Variants in RAPSN observed in about 807,000 individuals in gnomAD.
RAPSN encodes receptor associated protein of the synapse, also known as 43 kDa receptor-associated protein of the synapse.
In RAPSN, 33 loss-of-function variants were observed where a neutral mutation model predicts 45.7. That is an observed-to-expected ratio of 0.72 (90% CI 0.55 to 0.97). The LOEUF (loss-of-function observed/expected upper bound fraction) is 0.97, where lower values mean the gene tolerates loss of function less well. Among genes scored for constraint, RAPSN ranks in the 50% least tolerant of loss-of-function variants. The pLI is 0.00. For synonymous variants in RAPSN, 244 were observed against 233.6 expected, an observed-to-expected ratio of 1.04 and a Z score of -0.40; for missense variants, 519 against 559.4, an observed-to-expected ratio of 0.93 and a Z score of 0.73.
At chr11:47,446,169 C>A (rs2076404756) in intron 2 of RAPSN, among the ~76,000 whole-genome samples, 1 of 151,800 alleles carries the variant, frequency 6.6e-6, no homozygotes, top group Non-Finnish European at 1.5e-5. Flanking sequence ...CTCAAGCAAT[C>A]CTTCTGCTTG....
rs1381943309 is a variant in RAPSN at position 47,437,972 on chromosome 11, G to A, written c.*3C>T. 1 of 1,550,866 alleles carries A rather than the reference G, an allele frequency of 6.4e-7. No homozygotes were observed. The highest frequency in any genetic ancestry group is 1.2e-5 in the South Asian group (1 of 84,026). On this transcript the variant is annotated 3_prime_UTR_variant, in exon 8 of 8. Coordinates refer to ENST00000298854, the MANE Select transcript of RAPSN (RefSeq NM_005055.5). The stretch of plus-strand genomic sequence containing the variant: ...GGAGGAAGCCCACGCCTGCTGCCAG[G>A]AGTCATACAAAGCCAGGCTTCATGG...
chr11:47,444,355 T>C (rs1247190793), intron 2 of RAPSN, among the ~76,000 whole-genome samples: 1 of 151,304 alleles, frequency 6.6e-6, no homozygotes, highest in African/African-American at 2.4e-5. Flanking sequence ...CTGGGCAACA[T>C]TGCAAGACCA....
At chr11:47,448,255 A>T in intron 1 of RAPSN, 105 bp from the exon 2 acceptor site, 1 of 1,194,112 alleles carries the variant, frequency 8.4e-7, no homozygotes, top group Non-Finnish European at 1.2e-6. Flanking sequence ...CCCACCCCCC[A>T]GCCTCACACC....
chr11:47,446,670 C>T (rs2076408736), intron 2 of RAPSN, among the ~76,000 whole-genome samples: 1 of 152,190 alleles, frequency 6.6e-6, no homozygotes, highest in Non-Finnish European at 1.5e-5. Context: ...CTTTGGGAGG[C>T]CAAGACGGGC....
In RAPSN at chr11:47,441,676, G is replaced by C. The variant is rs761730497; in HGVS notation, c.847C>G (p.Leu283Val). ...CCCAGCAGCGCCTGCACCTGCCCCA[G>C]GCGGTTTCCGATCTCGGTCATGATG... The part of the protein sequence containing the change: ...MSIMTEIGNR[L>V]GQVQALLGVA... Residue 283 changes from leucine (L) to valine (V), a missense_variant, in exon 5 of 8, where the codon CTG (leucine) becomes GTG (valine). Leu to Val is a conservative substitution (Grantham distance 32). Transcript: ENST00000298854. 10 of 1,609,684 alleles carry C rather than the reference G, an allele frequency of 6.2e-6. No individual in the cohort carries two copies. The highest frequency in any genetic ancestry group is 1.6e-4 in the Middle Eastern group (1 of 6,084).
intron 3 of RAPSN, among the ~76,000 whole-genome samples, chr11:47,442,332 G>A (rs1022035932): frequency 3.3e-5 from 5 of 152,138 alleles, no homozygotes; most frequent in African/African-American, 1.2e-4. Flanking sequence ...TTTCCTTCAG[G>A]GGTTCAGCTG....
In RAPSN at chr11:47,445,593, C is replaced by CAAAAA. The variant is rs61001294; in HGVS notation, c.531+2214_531+2218dup. ...CCTAGGCAACAGAGCGAGACTGTCT[C>CAAAAA]AAAAAAAAAAAAAAAAAAAAAAGCC... On this transcript the variant is annotated intron_variant, in intron 2 of 7. Transcript: ENST00000298854. Among the ~76,000 whole-genome samples the CAAAAA allele has an allele frequency of 6.7e-3, 389 of 58,030 alleles. 9 individuals carry two copies. Among genetic ancestry groups the CAAAAA allele is most frequent in the African/African-American group, 0.021 (309 of 14,950 alleles). The allele number at this position is 58,030 out of a possible 152,430, so 38.1% of individuals were successfully genotyped here.
Position 47,441,903 on chromosome 11 carries a change from G to A in RAPSN, c.709C>T (p.Leu237=), listed in dbSNP as rs2153308690. 1.3e-6 allele frequency: 2 copies of A among 1,581,668 alleles called. No homozygotes were observed. The highest frequency in any genetic ancestry group is 1.7e-6 in the Non-Finnish European group (2 of 1,169,612). The change falls in exon 4 of 8, where the codon CTG becomes TTG. Residue 237 remains leucine, a synonymous_variant. Transcript: ENST00000298854. ...ECCEESMKIA[L]QHGDRPLQAL... Reference sequence around the variant, plus strand: ...TGCAGTGGCCGGTCCCCGTGCTGCAGCGCGATCTTCATAGACTCCTGCGAG... The same window carrying A: ...TGCAGTGGCCGGTCCCCGTGCTGCAACGCGATCTTCATAGACTCCTGCGAG...
At chr11:47,448,171 C>G (rs1420037589) in intron 1 of RAPSN, 21 bp from the exon 2 acceptor site, 2 of 1,604,692 alleles carry the variant, frequency 1.2e-6, no homozygotes, top group African/African-American at 2.7e-5. Flanking sequence ...CGACGGTGGG[C>G]AGGTGGTGCT....
rs1422791581 is a variant in RAPSN at position 47,448,998 on chromosome 11, C to T, written c.-34G>A. ...AGCCCTGTGTCCCACGTGGGGTGAT[C>T]CCTGGTGGCTCCGTGCCTCTAGGCA... On this transcript the variant is annotated 5_prime_UTR_variant, in exon 1 of 8. Transcript: ENST00000298854. 7 of 1,613,734 alleles carry T rather than the reference C, an allele frequency of 4.3e-6. No homozygotes were observed. The highest frequency in any genetic ancestry group is 5.9e-6 in the Non-Finnish European group (7 of 1,179,756).
At chr11:47,442,350 C>T (rs1481287894) in intron 3 of RAPSN, among the ~76,000 whole-genome samples, 1 of 152,104 alleles carries the variant, frequency 6.6e-6, no homozygotes, top group Admixed American at 6.6e-5. Flanking sequence ...CTGTAGAGAA[C>T]TCATCTCATT....
At chr11:47,439,631 T>C (rs1428223582) in intron 6 of RAPSN, among the ~76,000 whole-genome samples, 1 of 152,010 alleles carries the variant, frequency 6.6e-6, no homozygotes, top group African/African-American at 2.4e-5. Flanking sequence ...GCACAGGATC[T>C]CGTAGAAATG....
At chr11:47,442,135 G>A (rs934211972) in intron 3 of RAPSN, among the ~76,000 whole-genome samples, 17 of 152,236 alleles carry the variant, frequency 1.1e-4, no homozygotes, top group African/African-American at 4.1e-4. Flanking sequence ...GAAGTGACTT[G>A]ATTGGGGTCA....
At position 47,438,918 on chromosome 11, in the gene RAPSN, T is replaced by TTGAG; in HGVS notation, c.976_979dup (p.Lys327ThrfsTer151). 1 of 1,558,860 alleles carries TTGAG rather than the reference T, an allele frequency of 6.4e-7. No individual in the cohort carries two copies. The highest frequency in any genetic ancestry group is 1.2e-5 in the South Asian group (1 of 84,622). On this transcript the variant is annotated frameshift_variant, in exon 7 of 8. Coordinates refer to ENST00000298854, the MANE Select transcript of RAPSN (RefSeq NM_005055.5). LOFTEE classifies it high-confidence loss of function. ...AATGCTCTCGCTCAGACAGTGCAGC[T>TTGAG]TGAGCTGGCTCAGCTGGGGCCCGCA... is the stretch of plus-strand genomic sequence containing the variant.
In RAPSN at chr11:47,447,850, C is replaced by T. The variant is rs761584017; in HGVS notation, c.493G>A (p.Val165Met). The T allele has an allele frequency of 9.9e-6, 16 of 1,613,200 alleles. No homozygotes were observed. In the Admixed American group the frequency reaches 1.0e-4, roughly 10 times the overall value. The change falls in exon 2 of 8, where the codon GTG becomes ATG. Residue 165 changes from valine (V) to methionine (M), a missense_variant. Physicochemically the swap from Val to Met is conservative, Grantham distance 21. Transcript: ENST00000298854. ...TAGAAGCTGCCCAGGCTGCAGCACA[C>T]GCGGCACTCGAGCATGGCGTCATCA... Reference protein sequence around the residue: ...NNDDAMLECRVCCSLGSFYAQ... With the variant: ...NNDDAMLECRMCCSLGSFYAQ...
intron 2 of RAPSN, among the ~76,000 whole-genome samples, chr11:47,443,931 C>CAAAA (rs1161231934): frequency 0.022 from 302 of 14,016 alleles, 14 homozygotes; most frequent in Non-Finnish European, 0.025. Flanking sequence ...CTCTGTCTCA[C>CAAAA]AAAAAAAAAA....
At chr11:47,448,609 G>C (rs989539473) in intron 1 of RAPSN, among the ~76,000 whole-genome samples, 164 bp downstream of exon 1, 1 of 152,234 alleles carries the variant, frequency 6.6e-6, no homozygotes, top group Non-Finnish European at 1.5e-5. Context: ...CCAAGACTCA[G>C]TATCTAAGAC....
chr11:47,447,723 G>C, intron 2 of RAPSN, 89 bp downstream of exon 2: 1 of 1,396,550 alleles, frequency 7.2e-7, no homozygotes, highest in Non-Finnish European at 9.9e-7. Context: ...TAAAAGGAGG[G>C]CTGAATGAGG....
rs886048389 is a variant in RAPSN at position 47,449,082 on chromosome 11, G to T, written c.-118C>A. Reference sequence around the variant, plus strand: ...CCCGAAACGTGGGAACAAAAGCAGCGTCGGGTGGGAGCCGGAATGGGGCCT... The same window carrying T: ...CCCGAAACGTGGGAACAAAAGCAGCTTCGGGTGGGAGCCGGAATGGGGCCT... On this transcript the variant is annotated 5_prime_UTR_variant, in exon 1 of 8. Transcript: ENST00000298854. The T allele has an allele frequency of 9.4e-6, 12 of 1,279,758 alleles. No homozygotes were observed. The highest frequency in any genetic ancestry group is 5.6e-5 in the Admixed American group (3 of 54,016). The allele number at this position is 1,279,758 out of a possible 1,614,324, so 79.3% of individuals were successfully genotyped here.
Sources: allele counts gnomAD v4.1 joint callset (sites outside exome capture counted in the v4.1 genomes callset), GRCh38; gene constraint gnomAD v4.1.1; transcripts MANE v1.5; gene names NCBI Gene and HGNC (gene_info 2026-07-23, HGNC 2026-07-21).